The following HMGB1 variants were observed in gnomAD, a reference collection of about 807,000 sequenced individuals.
HMGB1 encodes high mobility group protein B1.
For synonymous variants in HMGB1, 81 were observed against 84.0 expected (o/e 0.96, Z 0.19); for missense variants, 79 against 253.5 (o/e 0.31, Z 4.67).
chr13:30,546,256 C>A (rs971619723), intron 1 of HMGB1, among the ~76,000 whole-genome samples: 1 of 152,300 alleles, frequency 6.6e-6, no homozygotes, highest in East Asian at 1.9e-4. Flanking sequence ...GCTGGGACTA[C>A]AGGTGTGCAT....
chr13:30,467,613 C>T (rs1449455893), upstream of HMGB1, among the ~76,000 whole-genome samples: 2 of 152,240 alleles, frequency 1.3e-5, no homozygotes, highest in Admixed American at 6.5e-5. Context: ...TATTTTCACA[C>T]ATATTTACTA....
chr13:30,555,994 T>C (rs995618737), intron 1 of HMGB1, among the ~76,000 whole-genome samples: 3 of 152,218 alleles, frequency 2.0e-5, no homozygotes, highest in African/African-American at 7.2e-5. Context: ...ATTTTCCCAA[T>C]GGGAGAAGTG....
At chr13:30,576,197 C>T (rs1222331814) in intron 1 of HMGB1, among the ~76,000 whole-genome samples, 2 of 152,166 alleles carry the variant, frequency 1.3e-5, no homozygotes, top group Non-Finnish European at 2.9e-5. Context: ...AATTTTCAAA[C>T]CCCACAATGG....
intron 1 of HMGB1, among the ~76,000 whole-genome samples, chr13:30,544,248 C>G (rs964496266): frequency 3.3e-5 from 5 of 152,232 alleles, no homozygotes; most frequent in African/African-American, 9.6e-5. Flanking sequence ...TTCCAGTGAT[C>G]CACTGGCCTT....
At chr13:30,509,229 C>T (rs781536425) in intron 1 of HMGB1, among the ~76,000 whole-genome samples, 7 of 150,326 alleles carry the variant, frequency 4.7e-5, no homozygotes, top group South Asian at 2.1e-4. Context: ...TGAGTCACTG[C>T]GCCCAGCACC....
chr13:30,573,944 G>A (rs1484584297), intron 1 of HMGB1, among the ~76,000 whole-genome samples: 12 of 152,092 alleles, frequency 7.9e-5, no homozygotes, highest in Non-Finnish European at 1.5e-4. Flanking sequence ...GTGAGCCACC[G>A]CACCCGGCCT....
At position 30,458,503 on chromosome 13, in the gene HMGB1, G is replaced by C. The variant is rs995665982; in HGVS notation, c.*2854C>G. 1 of 152,144 alleles carries C rather than the reference G, an allele frequency of 6.6e-6. No individual in the cohort carries two copies. Among genetic ancestry groups the C allele is most frequent in the Non-Finnish European group, 1.5e-5 (1 of 68,094 alleles). The allele number at this position is 152,144 out of a possible 1,614,324, so 9.4% of individuals were successfully genotyped here. A position where few individuals can be genotyped will look rare whatever the true frequency, so the allele number is the denominator to read the frequency against. ...CAGCACCACGCTTGGCTAATTTTTT[G>C]TATTTTTAGTAGAGGCGGGGTTTCA... On this transcript the variant is annotated 3_prime_UTR_variant, in exon 5 of 5. Transcript: ENST00000341423.
chr13:30,520,143 G>A (rs896444819), intron 1 of HMGB1, among the ~76,000 whole-genome samples: 4 of 152,108 alleles, frequency 2.6e-5, no homozygotes, highest in African/African-American at 9.7e-5. Flanking sequence ...CCAACACGGT[G>A]AAACCCCATC....
At chr13:30,570,074 T>C (rs1870363553) in intron 1 of HMGB1, among the ~76,000 whole-genome samples, 1 of 152,208 alleles carries the variant, frequency 6.6e-6, no homozygotes, top group Non-Finnish European at 1.5e-5. Flanking sequence ...GATTTCTTTG[T>C]AAGTGAAGGA....
At chr13:30,501,016 G>T (rs1249393850) in intron 1 of HMGB1, among the ~76,000 whole-genome samples, 1 of 151,832 alleles carries the variant, frequency 6.6e-6, no homozygotes, top group African/African-American at 2.4e-5. Context: ...CAGACATGGG[G>T]TATTGCAGTG....
Position 30,459,137 on chromosome 13 carries a change from T to C in HMGB1, c.*2220A>G, listed in dbSNP as rs1886142749. 6.6e-6 allele frequency: 1 copy of C among 152,018 alleles called. No homozygotes were observed. The highest frequency in any genetic ancestry group is 2.4e-5 in the African/African-American group (1 of 41,368). The allele number at this position is 152,018 out of a possible 1,614,324, so 9.4% of individuals were successfully genotyped here. ...TGGCATTAAAATAGTTTCTATACAC[T>C]TTCTAAAAAAAATCATCTTCAGTTA... On this transcript the variant is annotated 3_prime_UTR_variant, in exon 5 of 5. Coordinates refer to ENST00000341423, the MANE Select transcript of HMGB1 (RefSeq NM_002128.7).
At chr13:30,538,696 T>TC (rs10632415) in intron 1 of HMGB1, among the ~76,000 whole-genome samples, 33 of 134,052 alleles carry the variant, frequency 2.5e-4, no homozygotes, top group African/African-American at 9.2e-4. Flanking sequence ...TTTCTTTCTT[T>TC]CTTTCTTTTT....
At chr13:30,548,294 C>T (rs1217565420) in intron 1 of HMGB1, among the ~76,000 whole-genome samples, 1 of 152,144 alleles carries the variant, frequency 6.6e-6, no homozygotes, top group Non-Finnish European at 1.5e-5. Flanking sequence ...ACTTCTCCTT[C>T]CTGTCGCCAT....
chr13:30,468,130 A>C (rs374334155), upstream of HMGB1, among the ~76,000 whole-genome samples: 1 of 152,226 alleles, frequency 6.6e-6, no homozygotes. Context: ...AATGTTTAAA[A>C]TTATATAGAC....
intron 1 of HMGB1, among the ~76,000 whole-genome samples, chr13:30,534,929 C>A (rs1888580402): frequency 6.6e-6 from 1 of 152,134 alleles, no homozygotes; most frequent in Admixed American, 6.5e-5. Context: ...CATTTTCCAC[C>A]TTCTAGATTA....
intron 1 of HMGB1, among the ~76,000 whole-genome samples, chr13:30,610,692 T>C (rs1279946034): frequency 6.6e-6 from 1 of 151,468 alleles, no homozygotes; most frequent in Non-Finnish European, 1.5e-5. Flanking sequence ...GATTAATATA[T>C]GGCCAAGTTT....
chr13:30,516,241 C>A (rs994127973), intron 1 of HMGB1, among the ~76,000 whole-genome samples: 9 of 152,152 alleles, frequency 5.9e-5, no homozygotes, highest in Non-Finnish European at 1.2e-4. Flanking sequence ...AGTATTAAAT[C>A]AAAATAGTAG....
At chr13:30,519,061 C>G (rs1299342140) in intron 1 of HMGB1, among the ~76,000 whole-genome samples, 1 of 151,892 alleles carries the variant, frequency 6.6e-6, no homozygotes, top group Non-Finnish European at 1.5e-5. Flanking sequence ...GAATAAGTGT[C>G]AACAAATTTC....
intron 1 of HMGB1, among the ~76,000 whole-genome samples, chr13:30,472,011 C>T (rs1042969521): frequency 2.0e-5 from 3 of 148,510 alleles, no homozygotes; most frequent in Non-Finnish European, 4.5e-5. Flanking sequence ...GGTGTGGTGG[C>T]TTATGCCTGT....
Sources: allele counts gnomAD v4.1 joint callset (sites outside exome capture counted in the v4.1 genomes callset), GRCh38; gene constraint gnomAD v4.1.1; transcripts MANE v1.5; gene names NCBI Gene and HGNC (gene_info 2026-07-23, HGNC 2026-07-21).